PCDHA7: variants seen among roughly 807,000 people sequenced by gnomAD.
The protein encoded by PCDHA7 is protocadherin alpha 7.
In PCDHA7, 37 loss-of-function variants were observed where a neutral mutation model predicts 57.2. That is an observed-to-expected ratio of 0.65 (90% CI 0.50 to 0.85). The LOEUF is 0.85. Among genes scored for constraint, PCDHA7 ranks in the 40% least tolerant of loss-of-function variants. The probability of loss-of-function intolerance (pLI) is 0.00; values close to 1 mark genes in which losing one functional copy is unlikely to be tolerated. For missense variants in PCDHA7, 1,188 were observed against 1,241.8 expected, an observed-to-expected ratio of 0.96 and a Z score of 0.65; for synonymous variants, 553 against 558.8, an observed-to-expected ratio of 0.99 and a Z score of 0.15.
chr5:140,861,341 A>C (rs1554154533), intron 1 of PCDHA7: 1 of 280,406 alleles, frequency 3.6e-6, no homozygotes, highest in African/African-American at 2.2e-5. Context: ...GGAAGAGGCC[A>C]AGGACGGCAC....
At chr5:140,980,397 C>T (rs888776890) in intron 2 of PCDHA7, among the ~76,000 whole-genome samples, 3 of 152,100 alleles carry the variant, frequency 2.0e-5, no homozygotes, top group South Asian at 2.1e-4. Context: ...TTTGGGAGGC[C>T]GAGGTGGGCA....
At chr5:140,944,134 A>G (rs890508296) in intron 1 of PCDHA7, among the ~76,000 whole-genome samples, 1 of 152,122 alleles carries the variant, frequency 6.6e-6, no homozygotes, top group East Asian at 1.9e-4. Context: ...GAAAAGGTTG[A>G]AGATTAGAAG....
Position 140,889,101 on chromosome 5 carries a change from T to C in PCDHA7, c.2355+52363T>C, listed in dbSNP as rs115792966. On this transcript the variant is annotated intron_variant, in intron 1 of 3. Transcript: ENST00000525929. ...TTAAATTTTCAAAACAATTTTTTCA[T>C]CTTTATTCCAGGTGATACTGATATG... Among the ~76,000 whole-genome samples the C allele has an allele frequency of 7.5e-3, 1,145 of 152,066 alleles. 15 individuals carry two copies. Among genetic ancestry groups the C allele is most frequent in the African/African-American group, 0.026 (1,085 of 41,518 alleles).
At position 140,927,971 on chromosome 5, in the gene PCDHA7, C is replaced by T. The variant is rs868922082; in HGVS notation, c.2356-50978C>T. On this transcript the variant is annotated intron_variant, in intron 1 of 3. Transcript: ENST00000525929. ...GACGCTGCCCCTGGCACAGTGATTGCTCTCTTTAGTGTAAAGGATGAAGAC... is the reference window on the plus strand; with the variant it reads ...GACGCTGCCCCTGGCACAGTGATTGTTCTCTTTAGTGTAAAGGATGAAGAC... 5.0e-6 allele frequency: 8 copies of T among 1,614,224 alleles called. No homozygotes were observed. In the African/African-American group the frequency reaches 9.3e-5, roughly 19 times the overall value.
chr5:140,985,498 C>G (rs540282855), intron 3 of PCDHA7, among the ~76,000 whole-genome samples: 2 of 152,274 alleles, frequency 1.3e-5, no homozygotes, highest in African/African-American at 4.8e-5. Flanking sequence ...ATAGAGCCTG[C>G]CTTTCATTGA....
chr5:140,841,166 TG>T, intron 1 of PCDHA7: 1 of 946,216 alleles, frequency 1.1e-6, no homozygotes, highest in Non-Finnish European at 1.6e-6. Context: ...CAAGAAGTTC[TG>T]GTTGGTCAAT....
chr5:140,970,651 T>C (rs1191146950), intron 1 of PCDHA7, among the ~76,000 whole-genome samples: 4 of 152,226 alleles, frequency 2.6e-5, no homozygotes, highest in Non-Finnish European at 5.9e-5. Flanking sequence ...TAGTGATGAA[T>C]TGTTATCTTT....
intron 1 of PCDHA7, among the ~76,000 whole-genome samples, chr5:140,892,696 C>T (rs1005435710): frequency 4.6e-5 from 7 of 152,098 alleles, no homozygotes; most frequent in Admixed American, 6.6e-5. Context: ...ATAATAAAAT[C>T]AGGGTAATTA....
At chr5:140,951,746 C>A (rs2094627797) in intron 1 of PCDHA7, among the ~76,000 whole-genome samples, 1 of 152,128 alleles carries the variant, frequency 6.6e-6, no homozygotes, top group African/African-American at 2.4e-5. Flanking sequence ...ACTGCCCTCA[C>A]CCTCCGCGAA....
intron 1 of PCDHA7, among the ~76,000 whole-genome samples, chr5:140,949,279 A>T (rs2094358116): frequency 6.6e-6 from 1 of 151,848 alleles, no homozygotes; most frequent in African/African-American, 2.4e-5. Flanking sequence ...CTTGAAAAGA[A>T]TGTATATTCT....
chr5:140,848,439 G>A (rs2150410405), intron 1 of PCDHA7: 1 of 1,486,148 alleles, frequency 6.7e-7, no homozygotes, highest in African/African-American at 1.4e-5. Flanking sequence ...GAAATCAGAT[G>A]ATTTCTTCTA....
intron 1 of PCDHA7, among the ~76,000 whole-genome samples, chr5:140,906,853 T>C (rs576448914): frequency 1.3e-5 from 2 of 152,170 alleles, no homozygotes; most frequent in Non-Finnish European, 2.9e-5. Flanking sequence ...AGAGTCTGGG[T>C]CAGTCACCCC....
At chr5:140,857,819 G>A in intron 1 of PCDHA7, 1 of 1,597,752 alleles carries the variant, frequency 6.3e-7, no homozygotes, top group Non-Finnish European at 8.6e-7. Context: ...TCACGTGGTG[G>A]CTAAGGTGCG....
At chr5:140,917,379 T>C (rs1393963383) in intron 1 of PCDHA7, among the ~76,000 whole-genome samples, 1 of 147,708 alleles carries the variant, frequency 6.8e-6, no homozygotes, top group African/African-American at 2.5e-5. Context: ...TCCACCTCAA[T>C]AGTCTGATGT....
chr5:141,010,285 C>G lies in PCDHA7; in HGVS notation c.*348C>G, dbSNP rs1214485732. ...CTCCGGGGATCCTGTCTTGATGACA[C>G]TTGCAGGGCAGGCTGAAAAGTTTTG... On this transcript the variant is annotated 3_prime_UTR_variant, in exon 4 of 4. Transcript: ENST00000525929. 1.3e-6 allele frequency: 2 copies of G among 1,550,576 alleles called. No individual in the cohort carries two copies. Among genetic ancestry groups the G allele is most frequent in the Non-Finnish European group, 1.7e-6 (2 of 1,146,690 alleles).
chr5:140,957,473 G>A (rs1307847703), intron 1 of PCDHA7, among the ~76,000 whole-genome samples: 1 of 151,954 alleles, frequency 6.6e-6, no homozygotes, highest in Non-Finnish European at 1.5e-5. Context: ...GTATGTATAG[G>A]AAAAAACATA....
At chr5:140,952,261 C>T (rs246037) in intron 1 of PCDHA7, among the ~76,000 whole-genome samples, 85,112 of 150,858 alleles carry the variant, frequency 0.56, 24,616 homozygotes, top group African/African-American at 0.69. Flanking sequence ...GATTCCCATT[C>T]TGGGGTCTTG....
intron 3 of PCDHA7, among the ~76,000 whole-genome samples, chr5:140,983,886 T>C (rs1280409622): frequency 1.3e-5 from 2 of 152,206 alleles, no homozygotes; most frequent in Non-Finnish European, 2.9e-5. Flanking sequence ...CTGGCAACTT[T>C]AAGGGCATTC....
At position 140,842,490 on chromosome 5, in the gene PCDHA7, T is replaced by C. The variant is rs2150337276; in HGVS notation, c.2355+5752T>C. The C allele has an allele frequency of 9.9e-6, 16 of 1,613,892 alleles. No homozygotes were observed. In the South Asian group the frequency reaches 1.6e-4, roughly 17 times the overall value. On this transcript the variant is annotated intron_variant, in intron 1 of 3. Transcript: ENST00000525929. ...AACGGGCAGGTGACCTGCTCCCTGA[T>C]GCCCCATGTCCCCTTCAAGCTGGTG... is the stretch of plus-strand genomic sequence containing the variant.
Sources: gnomAD v4.1 joint callset for allele counts (sites outside exome capture counted in the v4.1 genomes callset) on GRCh38, gnomAD v4.1.1 for gene constraint, MANE v1.5 for transcripts, NCBI Gene and HGNC (gene_info 2026-07-23, HGNC 2026-07-21) for gene names.